Variants in DGKB observed in about 807,000 individuals in gnomAD.
DGKB encodes 90 kDa diacylglycerol kinase.
Under a neutral mutation model 114.3 loss-of-function variants are expected in DGKB, and 67 were observed. The observed-to-expected ratio is 0.59, with a 90% CI of 0.48 to 0.72. The LOEUF is 0.72. Among genes scored for constraint, DGKB ranks in the 30% least tolerant of loss-of-function variants. The probability of loss-of-function intolerance (pLI) is 0.00; values close to 1 mark genes in which losing one functional copy is unlikely to be tolerated. For synonymous variants in DGKB, 398 were observed against 323.1 expected (o/e 1.23, Z -2.49); for missense variants, 907 against 975.2 (o/e 0.93, Z 0.93).
chr7:14,299,882 CA>C (rs61150433), intron 23 of DGKB, among the ~76,000 whole-genome samples: 10 of 147,880 alleles, frequency 6.8e-5, no homozygotes, highest in East Asian at 2.0e-4. Flanking sequence ...AGTTATTCAG[CA>C]AAAAAAAACC....
intron 1 of DGKB, among the ~76,000 whole-genome samples, chr7:14,861,534 T>G (rs1850976046): frequency 6.6e-6 from 1 of 151,908 alleles, no homozygotes; most frequent in African/African-American, 2.4e-5. Flanking sequence ...TAAAGTACCC[T>G]CCCTTGTACC....
intron 2 of DGKB, among the ~76,000 whole-genome samples, chr7:14,764,036 T>C (rs1323003407): frequency 1.3e-5 from 2 of 151,954 alleles, no homozygotes; most frequent in East Asian, 3.9e-4. Flanking sequence ...AATCTAAGCC[T>C]CCCCACATAG....
In DGKB at chr7:14,712,563, A is replaced by G. The variant is rs367735900; in HGVS notation, c.466+5979T>C. 1.9e-3 allele frequency among the ~76,000 whole-genome samples: 286 copies of G among 151,990 alleles called. 2 individuals are homozygous for G. Among genetic ancestry groups the G allele is most frequent in the African/African-American group, 6.7e-3 (276 of 41,470 alleles). ...ACACATGCCTGTAATCCCAGCTACTAGGGAGGCTGAGGCAGGAGAATCACT... is the reference window on the plus strand; with the variant it reads ...ACACATGCCTGTAATCCCAGCTACTGGGGAGGCTGAGGCAGGAGAATCACT... On this transcript the variant is annotated intron_variant, in intron 6 of 25. Transcript: ENST00000402815.
chr7:14,873,770 T>C (rs1852834784), intron 1 of DGKB, among the ~76,000 whole-genome samples: 1 of 151,982 alleles, frequency 6.6e-6, no homozygotes, highest in Non-Finnish European at 1.5e-5. Context: ...AAATTATAGA[T>C]TCACGATTGC....
intron 23 of DGKB, among the ~76,000 whole-genome samples, chr7:14,256,464 TATTTTA>T (rs1795989881): frequency 3.9e-5 from 6 of 151,964 alleles, no homozygotes; most frequent in South Asian, 2.1e-4. Context: ...CTAAAATAAA[TATTTTA>T]TTTATTTATT....
At chr7:14,715,543 C>A (rs770087742) in intron 6 of DGKB, among the ~76,000 whole-genome samples, 1 of 152,056 alleles carries the variant, frequency 6.6e-6, no homozygotes, top group Non-Finnish European at 1.5e-5. Flanking sequence ...CACACATGCA[C>A]GTATGCATGC....
chr7:14,462,604 A>T (rs914389048), intron 21 of DGKB, among the ~76,000 whole-genome samples: 2 of 152,210 alleles, frequency 1.3e-5, no homozygotes, highest in African/African-American at 4.8e-5. Flanking sequence ...ACACCAACAA[A>T]TGGAAAAACA....
At chr7:14,183,185 G>A (rs1782894423) in intron 23 of DGKB, among the ~76,000 whole-genome samples, 1 of 152,174 alleles carries the variant, frequency 6.6e-6, no homozygotes, top group African/African-American at 2.4e-5. Flanking sequence ...AAACATGTCT[G>A]AGGACCAAGA....
At chr7:14,213,270 G>A (rs183814085) in intron 23 of DGKB, among the ~76,000 whole-genome samples, 18 of 151,884 alleles carry the variant, frequency 1.2e-4, no homozygotes, top group East Asian at 3.9e-4. Context: ...TTAAAGTTGC[G>A]CTTTCTCATT....
intron 1 of DGKB, among the ~76,000 whole-genome samples, chr7:14,885,643 T>C (rs1026988642): frequency 2.6e-5 from 4 of 151,874 alleles, no homozygotes; most frequent in African/African-American, 9.7e-5. Context: ...CTATTATTAA[T>C]AGAATAATAA....
intron 23 of DGKB, among the ~76,000 whole-genome samples, chr7:14,315,474 G>A (rs887898379): frequency 3.3e-5 from 5 of 151,428 alleles, no homozygotes; most frequent in African/African-American, 7.3e-5. Flanking sequence ...AAAGGCAGGG[G>A]TTGCAATCCT....
At chr7:14,454,759 A>T (rs1254273841) in intron 21 of DGKB, among the ~76,000 whole-genome samples, 1 of 152,074 alleles carries the variant, frequency 6.6e-6, no homozygotes, top group African/African-American at 2.4e-5. Flanking sequence ...TATCCTGCAT[A>T]CACTTGAGTC....
chr7:14,861,645 A>T (rs914690717), intron 1 of DGKB, among the ~76,000 whole-genome samples: 1 of 151,858 alleles, frequency 6.6e-6, no homozygotes, highest in Non-Finnish European at 1.5e-5. Flanking sequence ...TTATGTTTTT[A>T]TGATTATCTA....
intron 17 of DGKB, among the ~76,000 whole-genome samples, chr7:14,604,414 T>C (rs1381743363): frequency 6.6e-6 from 1 of 152,094 alleles, no homozygotes; most frequent in African/African-American, 2.4e-5. Context: ...AAGAGTTGTA[T>C]ACCAAAAGAA....
chr7:14,265,315 A>ATTTTTTTTTTTTTTTT (rs1178230744), intron 23 of DGKB, among the ~76,000 whole-genome samples: 5 of 40,504 alleles, frequency 1.2e-4, no homozygotes, highest in African/African-American at 3.7e-4. Flanking sequence ...TTTCTCTTGC[A>ATTTTTTTTTTTTTTTT]TTCTTTTTTT....
intron 1 of DGKB, among the ~76,000 whole-genome samples, chr7:14,925,071 T>C (rs1220346845): frequency 6.6e-6 from 1 of 152,242 alleles, no homozygotes; most frequent in Non-Finnish European, 1.5e-5. Context: ...CAATTCTCTA[T>C]AGATTCACTC....
At chr7:14,964,968 G>A (rs1385635552) in intron 1 of DGKB, among the ~76,000 whole-genome samples, 2 of 152,106 alleles carry the variant, frequency 1.3e-5, no homozygotes, top group African/African-American at 2.4e-5. Context: ...ATAAATAAGG[G>A]ATATGGATTG....
At chr7:14,231,139 CTTTCTTTT>C (rs1791773130) in intron 23 of DGKB, among the ~76,000 whole-genome samples, 3 of 117,022 alleles carry the variant, frequency 2.6e-5, no homozygotes, top group Non-Finnish European at 5.6e-5. Context: ...TTCTTTCTTT[CTTTCTTTT>C]TCTTTCTTTC....
intron 1 of DGKB, among the ~76,000 whole-genome samples, chr7:14,950,620 A>G (rs1374812281): frequency 1.3e-5 from 2 of 152,028 alleles, no homozygotes; most frequent in Non-Finnish European, 2.9e-5. Context: ...AAGTACAAAA[A>G]TTACTTAAAA....
Sources: gnomAD v4.1 joint callset for allele counts (sites outside exome capture counted in the v4.1 genomes callset) on GRCh38, gnomAD v4.1.1 for gene constraint, MANE v1.5 for transcripts, NCBI Gene and HGNC (gene_info 2026-07-23, HGNC 2026-07-21) for gene names.